FARS2: variants seen among roughly 807,000 people sequenced by gnomAD.
FARS2 encodes the protein phenylalanyl-tRNA synthetase 2, mitochondrial, also known as phenylalanine--tRNA ligase, mitochondrial.
FARS2 carries 40 observed loss-of-function variants against 46.4 expected under a neutral mutation model. That is an observed-to-expected ratio of 0.86 (90% CI 0.67 to 1.12). FARS2 has a LOEUF of 1.12. Ranked by LOEUF, FARS2 falls within the 50% of genes most tolerant of loss-of-function variation. The pLI is 0.00. For synonymous variants in FARS2, 234 were observed against 214.9 expected (o/e 1.09, Z -0.78); for missense variants, 513 against 567.9 (o/e 0.90, Z 0.98).
chr6:5,558,361 G>A (rs1341918618), intron 5 of FARS2, among the ~76,000 whole-genome samples: 2 of 152,056 alleles, frequency 1.3e-5, no homozygotes, highest in African/African-American at 2.4e-5. Context: ...CAAACTTCAT[G>A]CGTTTATACT....
chr6:5,359,645 G>A (rs1199810843), intron 1 of FARS2, among the ~76,000 whole-genome samples: 1 of 152,196 alleles, frequency 6.6e-6, no homozygotes, highest in African/African-American at 2.4e-5. Context: ...GCCAACCTGT[G>A]GAAGCCATGT....
At chr6:5,273,205 A>G (rs991528018) in intron 1 of FARS2, among the ~76,000 whole-genome samples, 7 of 152,224 alleles carry the variant, frequency 4.6e-5, no homozygotes, top group South Asian at 2.1e-4. Context: ...ATTGCTGGAC[A>G]TATGGTAGTT....
chr6:5,427,710 T>C (rs969225970), intron 3 of FARS2, among the ~76,000 whole-genome samples: 1 of 152,196 alleles, frequency 6.6e-6, no homozygotes, highest in Non-Finnish European at 1.5e-5. Flanking sequence ...TTTTCTTGCT[T>C]TGCTATCTGT....
At chr6:5,269,696 T>C (rs1046897671) in intron 1 of FARS2, among the ~76,000 whole-genome samples, 1 of 152,218 alleles carries the variant, frequency 6.6e-6, no homozygotes, top group Non-Finnish European at 1.5e-5. Context: ...GCCTACATTT[T>C]GCTAATCACT....
At chr6:5,270,585 A>T (rs1490051406) in intron 1 of FARS2, among the ~76,000 whole-genome samples, 1 of 152,320 alleles carries the variant, frequency 6.6e-6, no homozygotes, top group Non-Finnish European at 1.5e-5. Flanking sequence ...TGAAAATGAA[A>T]TGTTCATTAT....
intron 5 of FARS2, among the ~76,000 whole-genome samples, chr6:5,578,873 A>C (rs1773163778): frequency 6.6e-6 from 1 of 151,950 alleles, no homozygotes; most frequent in African/African-American, 2.4e-5. Context: ...TGAGCTCTAG[A>C]GCCAGACTGC....
chr6:5,707,638 T>G (rs1431902368), intron 6 of FARS2, among the ~76,000 whole-genome samples: 1 of 152,220 alleles, frequency 6.6e-6, no homozygotes, highest in Non-Finnish European at 1.5e-5. Flanking sequence ...GGAGCATGAA[T>G]AATACCTTTT....
At chr6:5,618,405 G>A (rs1325682338) in intron 6 of FARS2, among the ~76,000 whole-genome samples, 1 of 152,162 alleles carries the variant, frequency 6.6e-6, no homozygotes, top group Non-Finnish European at 1.5e-5. Context: ...ATGAAATATA[G>A]CCTGATAGTG....
intron 1 of FARS2, among the ~76,000 whole-genome samples, chr6:5,298,804 A>G (rs896800366): frequency 6.7e-6 from 1 of 149,460 alleles, no homozygotes; most frequent in African/African-American, 2.5e-5. Flanking sequence ...TGGAGGTTGC[A>G]GTGAGCCGAG....
intron 6 of FARS2, among the ~76,000 whole-genome samples, chr6:5,671,340 T>C (rs755112811): frequency 6.6e-6 from 1 of 152,120 alleles, no homozygotes; most frequent in Non-Finnish European, 1.5e-5. Context: ...CAGAGCTGGA[T>C]GGGTTTGTTC....
At chr6:5,575,707 C>T (rs1020303609) in intron 5 of FARS2, among the ~76,000 whole-genome samples, 1 of 152,180 alleles carries the variant, frequency 6.6e-6, no homozygotes, top group Admixed American at 6.5e-5. Flanking sequence ...CTCCTTGAAT[C>T]TGAAATAGTT....
chr6:5,771,566 G>C lies in FARS2; in HGVS notation c.*137G>C, dbSNP rs1008249187. 19 of 930,758 alleles carry C rather than the reference G, an allele frequency of 2.0e-5. No homozygotes were observed. Among genetic ancestry groups the C allele is most frequent in the Non-Finnish European group, 3.0e-5 (19 of 637,382 alleles). The allele number at this position is 930,758 out of a possible 1,614,324, so 57.7% of individuals were successfully genotyped here. On this transcript the variant is annotated 3_prime_UTR_variant, in exon 7 of 7. Transcript: ENST00000274680. ...GTTTTAGGACTTTCAGAAAATAAAA[G>C]ATCGCTCTTGAAAAGCTGTTGACAT...
Position 5,609,316 on chromosome 6 carries a change from T to C in FARS2, c.1066-3853T>C, listed in dbSNP as rs9405855. The C allele has an allele frequency of 7.5e-3, 8,376 of 1,120,194 alleles. 421 individuals are homozygous for C. In the East Asian group the frequency reaches 0.13, roughly 17 times the overall value. The allele number at this position is 1,120,194 out of a possible 1,614,324, so 69.4% of individuals were successfully genotyped here. On this transcript the variant is annotated intron_variant, in intron 5 of 6. Transcript: ENST00000274680. Reference sequence around the variant, plus strand: ...CATGGTTTGGCAAAGTATTGGCCTCTACCACCATAGGGACCAGAGCTTCTG... The same window carrying C: ...CATGGTTTGGCAAAGTATTGGCCTCCACCACCATAGGGACCAGAGCTTCTG...
intron 1 of FARS2, among the ~76,000 whole-genome samples, chr6:5,322,452 T>C (rs1039772204): frequency 3.3e-5 from 5 of 152,230 alleles, no homozygotes; most frequent in Non-Finnish European, 1.5e-5. Flanking sequence ...CATGTTCTCA[T>C]TGAGTAGTTT....
intron 1 of FARS2, among the ~76,000 whole-genome samples, chr6:5,315,749 T>TCTTTCTTTCTTTCTTCCTTC (rs1335102468): frequency 6.7e-5 from 10 of 149,540 alleles, no homozygotes; most frequent in African/African-American, 2.0e-4. Context: ...TTCCTTTCTT[T>TCTTTCTTTCTTTCTTCCTTC]CTTTCTTTCT....
chr6:5,643,460 C>T (rs1424391237), intron 6 of FARS2, among the ~76,000 whole-genome samples: 3 of 152,172 alleles, frequency 2.0e-5, no homozygotes, highest in Non-Finnish European at 4.4e-5. Flanking sequence ...ACTGAATAAG[C>T]ATGGAGGTCT....
the FARS2 span, among the ~76,000 whole-genome samples, chr6:5,253,854 G>A: frequency 6.6e-3 from 989 of 149,626 alleles, 13 homozygotes; most frequent in African/African-American, 0.023. Flanking sequence ...AAAAACCATC[G>A]TTTTGAAGTG....
chr6:5,737,400 A>C (rs895955803), intron 6 of FARS2, among the ~76,000 whole-genome samples: 2 of 152,216 alleles, frequency 1.3e-5, no homozygotes, highest in African/African-American at 4.8e-5. Context: ...ACGTGGTGGC[A>C]TGTGCCTGTA....
intron 5 of FARS2, among the ~76,000 whole-genome samples, chr6:5,587,253 A>G (rs1409041070): frequency 6.6e-6 from 1 of 152,220 alleles, no homozygotes; most frequent in African/African-American, 2.4e-5. Flanking sequence ...TATCCTATAC[A>G]TATGTGAGAT....
Sources: allele counts gnomAD v4.1 joint callset (sites outside exome capture counted in the v4.1 genomes callset), GRCh38; gene constraint gnomAD v4.1.1; transcripts MANE v1.5; gene names NCBI Gene and HGNC (gene_info 2026-07-23, HGNC 2026-07-21).